KCND3: variants seen among roughly 807,000 people sequenced by gnomAD.
KCND3 encodes potassium voltage-gated channel subfamily D member 3.
In KCND3, 9 loss-of-function variants were observed where a neutral mutation model predicts 51.1. The observed-to-expected ratio is 0.18, with a 90% CI of 0.11 to 0.31. KCND3 has a LOEUF of 0.31. Ranked by LOEUF, KCND3 falls within the 10% of genes least tolerant of loss-of-function variation. The probability of loss-of-function intolerance (pLI) is 1.00; values close to 1 mark genes in which losing one functional copy is unlikely to be tolerated. For missense variants in KCND3, 526 were observed against 903.8 expected, an observed-to-expected ratio of 0.58 and a Z score of 5.36; for synonymous variants, 349 against 368.0, an observed-to-expected ratio of 0.95 and a Z score of 0.59.
chr1:111,803,157 TAGTTCC>T lies in KCND3; in HGVS notation c.1107-16057_1107-16052del, dbSNP rs145519542. Among the ~76,000 whole-genome samples, 130 of 152,310 alleles carry T rather than the reference TAGTTCC, an allele frequency of 8.5e-4. 1 individual carries two copies. The East Asian group carries it at 0.022, about 26-fold the overall frequency. On this transcript the variant is annotated intron_variant, in intron 2 of 7. Transcript: ENST00000302127. ...TTTTTTCTCTCTGTTTCCTGCCCTC[TAGTTCC>T]AGGTGAGATGCCCTCTGGTGTGACA... is the stretch of plus-strand genomic sequence containing the variant.
At chr1:111,785,898 C>T (rs557793599) in intron 3 of KCND3, among the ~76,000 whole-genome samples, 2 of 152,204 alleles carry the variant, frequency 1.3e-5, no homozygotes, top group South Asian at 4.2e-4. Context: ...ATAGTACGTG[C>T]TCAGTAAATG....
At chr1:111,855,798 A>G (rs1037799310) in intron 2 of KCND3, among the ~76,000 whole-genome samples, 10 of 152,150 alleles carry the variant, frequency 6.6e-5, no homozygotes, top group Admixed American at 5.2e-4. Context: ...GTCTACAGAA[A>G]CCACGAGGGA....
chr1:111,832,660 A>C (rs576916288), intron 2 of KCND3, among the ~76,000 whole-genome samples: 1 of 152,290 alleles, frequency 6.6e-6, no homozygotes, highest in South Asian at 2.1e-4. Context: ...GTTTCGATTC[A>C]GACAGAGTTT....
rs556463328 is a variant in KCND3 at position 111,783,057 on chromosome 1, T to G, written c.1270-2266A>C. ...AGGAAGGAAGAAGATCCTATGTGAG[T>G]TGGCTGGAAGGCCATGCTTATACTG... On this transcript the variant is annotated intron_variant, in intron 3 of 7. Coordinates refer to ENST00000302127, the MANE Select transcript of KCND3 (RefSeq NM_001378969.1). Among the ~76,000 whole-genome samples the G allele has an allele frequency of 4.6e-5, 7 of 151,998 alleles. No individual in the cohort carries two copies. In the South Asian group the frequency reaches 1.5e-3, roughly 32 times the overall value.
intron 2 of KCND3, among the ~76,000 whole-genome samples, chr1:111,929,116 G>A (rs946810874): frequency 6.6e-6 from 1 of 152,184 alleles, no homozygotes; most frequent in East Asian, 1.9e-4. Flanking sequence ...AATTCCAAGA[G>A]GGAACTGAGA....
rs1322268426 is a variant in KCND3 at position 111,770,790 on chromosome 1, G to A, written c.*5287C>T. 3 of 143,338 alleles carry A rather than the reference G, an allele frequency of 2.1e-5. No homozygotes were observed. The highest frequency in any genetic ancestry group is 8.3e-5 in the African/African-American group (3 of 36,270). The allele number at this position is 143,338 out of a possible 1,614,324, so 8.9% of individuals were successfully genotyped here. On this transcript the variant is annotated 3_prime_UTR_variant, in exon 8 of 8. Coordinates refer to ENST00000302127, the MANE Select transcript of KCND3 (RefSeq NM_001378969.1). The stretch of plus-strand genomic sequence containing the variant: ...ATGCACTACAGTTTCAAAAGAAGAC[G>A]ACAGGAAACTCAAGGGTGTTTTTTT...
chr1:111,987,847 T>C (rs775995603), intron 1 of KCND3, among the ~76,000 whole-genome samples: 3 of 151,732 alleles, frequency 2.0e-5, no homozygotes, highest in Admixed American at 6.6e-5. Flanking sequence ...GTGGGAAAGA[T>C]AGGGGGTGGG....
intron 2 of KCND3, among the ~76,000 whole-genome samples, chr1:111,873,376 T>C (rs1668911411): frequency 2.6e-5 from 4 of 152,142 alleles, no homozygotes; most frequent in Admixed American, 2.0e-4. Context: ...ACAAGGCATG[T>C]AATGGTGTGG....
intron 2 of KCND3, among the ~76,000 whole-genome samples, chr1:111,918,738 G>A (rs1236473892): frequency 1.3e-5 from 2 of 152,170 alleles, no homozygotes; most frequent in South Asian, 2.1e-4. Context: ...GTTGCCCAAA[G>A]GAAGTATGGG....
intron 2 of KCND3, among the ~76,000 whole-genome samples, chr1:111,836,138 G>A (rs960600454): frequency 6.6e-6 from 1 of 152,168 alleles, no homozygotes; most frequent in African/African-American, 2.4e-5. Flanking sequence ...AGTTCACATG[G>A]GTGGATCCTG....
intron 2 of KCND3, among the ~76,000 whole-genome samples, chr1:111,966,315 T>TG (rs1479096500): frequency 6.6e-6 from 1 of 152,078 alleles, no homozygotes; most frequent in Non-Finnish European, 1.5e-5. Flanking sequence ...AATAAAATAC[T>TG]GGGGGTGGAG....
At chr1:111,958,749 T>C (rs1389234968) in intron 2 of KCND3, among the ~76,000 whole-genome samples, 1 of 152,136 alleles carries the variant, frequency 6.6e-6, no homozygotes, top group Non-Finnish European at 1.5e-5. Flanking sequence ...CACTGCACTA[T>C]AGCCCTTTGA....
chr1:111,774,592 C>T lies in KCND3; in HGVS notation c.*1485G>A, dbSNP rs1325167876. On this transcript the variant is annotated 3_prime_UTR_variant, in exon 8 of 8. Coordinates refer to ENST00000302127, the MANE Select transcript of KCND3 (RefSeq NM_001378969.1). ...AGGTGATGAGGCTTCTCCCCCATTT[C>T]AGCATCTTCAGGGAGATCAGGCCGA... is the stretch of plus-strand genomic sequence containing the variant. 2 of 152,280 alleles carry T rather than the reference C, an allele frequency of 1.3e-5. No homozygotes were observed. The highest frequency in any genetic ancestry group is 2.9e-5 in the Non-Finnish European group (2 of 68,064). The allele number at this position is 152,280 out of a possible 1,614,324, so 9.4% of individuals were successfully genotyped here. A position where few individuals can be genotyped will look rare whatever the true frequency, so the allele number is the denominator to read the frequency against.
chr1:111,979,258 C>A (rs1389856870), intron 2 of KCND3, among the ~76,000 whole-genome samples: 1 of 152,192 alleles, frequency 6.6e-6, no homozygotes, highest in South Asian at 2.1e-4. Context: ...CCAAGATACT[C>A]CACTTTGATG....
At chr1:111,872,614 A>G (rs1668876743) in intron 2 of KCND3, among the ~76,000 whole-genome samples, 1 of 151,896 alleles carries the variant, frequency 6.6e-6, no homozygotes, top group African/African-American at 2.4e-5. Context: ...TTTTTTATGG[A>G]AGGAGAGCAA....
At chr1:111,795,869 A>C (rs1374706786) in intron 2 of KCND3, among the ~76,000 whole-genome samples, 1 of 152,178 alleles carries the variant, frequency 6.6e-6, no homozygotes, top group Non-Finnish European at 1.5e-5. Flanking sequence ...ACTTTTTAAT[A>C]ATAGCCATTC....
chr1:111,963,859 C>CA (rs1317566231), intron 2 of KCND3, among the ~76,000 whole-genome samples: 1 of 152,212 alleles, frequency 6.6e-6, no homozygotes, highest in Non-Finnish European at 1.5e-5. Flanking sequence ...ACCACACCAG[C>CA]ATGCACACAA....
chr1:111,850,652 G>A (rs931896421), intron 2 of KCND3, among the ~76,000 whole-genome samples: 13 of 152,214 alleles, frequency 8.5e-5, no homozygotes, highest in Admixed American at 8.5e-4. Context: ...TGACATGGCT[G>A]GTCCGGCCAC....
intron 2 of KCND3, among the ~76,000 whole-genome samples, chr1:111,801,259 C>G (rs915393481): frequency 3.3e-5 from 5 of 152,230 alleles, no homozygotes; most frequent in Non-Finnish European, 2.9e-5. Context: ...GGGCTCCATG[C>G]AGTCTGTGCA....
Sources: allele counts gnomAD v4.1 joint callset (sites outside exome capture counted in the v4.1 genomes callset), GRCh38; gene constraint gnomAD v4.1.1; transcripts MANE v1.5; gene names NCBI Gene and HGNC (gene_info 2026-07-23, HGNC 2026-07-21).